LRRC37A2: variants seen among roughly 807,000 people sequenced by gnomAD.
The protein encoded by LRRC37A2 is leucine-rich repeat-containing protein 37A2.
In LRRC37A2, 9 loss-of-function variants were observed where a neutral mutation model predicts 68.8. The ratio of observed to expected loss-of-function variants is 0.13; its 90% CI spans 0.08 to 0.23. The LOEUF (loss-of-function observed/expected upper bound fraction) is 0.23, where lower values mean the gene tolerates loss of function less well. Ranked by LOEUF, LRRC37A2 falls within the 10% of genes least tolerant of loss-of-function variation. The pLI, the probability that LRRC37A2 is intolerant of heterozygous loss-of-function variation, is 1.00. For synonymous variants in LRRC37A2, 63 were observed against 367.6 expected (o/e 0.17, Z 9.48); for missense variants, 168 against 950.4 (o/e 0.18, Z 10.82).
the LRRC37A2 span, among the ~76,000 whole-genome samples, chr17:46,479,530 C>G: frequency 3.8e-5 from 4 of 104,986 alleles, no homozygotes; most frequent in Non-Finnish European, 8.6e-5. Context: ...TTTTTTGAAA[C>G]AGAGTCTTAC....
the LRRC37A2 span, among the ~76,000 whole-genome samples, chr17:46,822,421 G>C: frequency 2.6e-5 from 4 of 152,240 alleles, no homozygotes; most frequent in African/African-American, 9.6e-5. Context: ...GCGCATAGTA[G>C]GTAAGCACCA....
the LRRC37A2 span, chr17:46,932,304 G>C: frequency 7.5e-7 from 1 of 1,341,824 alleles, no homozygotes; most frequent in East Asian, 2.3e-5. Flanking sequence ...GAAGAAGACT[G>C]ATGATGAGGA....
chr17:46,667,490 C>G, the LRRC37A2 span, among the ~76,000 whole-genome samples: 3 of 137,490 alleles, frequency 2.2e-5, 1 homozygote, highest in Non-Finnish European at 4.9e-5. Flanking sequence ...AAATCTTTAC[C>G]TTGCAAAACT....
chr17:46,539,768 C>CAAAACAA (rs2054948081), intron 6 of LRRC37A2, among the ~76,000 whole-genome samples: 1 of 67,038 alleles, frequency 1.5e-5, no homozygotes, highest in Non-Finnish European at 2.7e-5. Context: ...GACTCCATCT[C>CAAAACAA]AAAAAAAAAA....
the LRRC37A2 span, among the ~76,000 whole-genome samples, chr17:46,900,496 C>T: frequency 2.6e-5 from 4 of 152,078 alleles, no homozygotes; most frequent in Non-Finnish European, 4.4e-5. Context: ...GTGATGCACC[C>T]GCCTTGGCCT....
the LRRC37A2 span, among the ~76,000 whole-genome samples, chr17:46,878,434 A>T: frequency 6.6e-6 from 1 of 152,170 alleles, no homozygotes; most frequent in Non-Finnish European, 1.5e-5. Context: ...AGTCTGCTGG[A>T]TGCTGGAAGG....
the LRRC37A2 span, among the ~76,000 whole-genome samples, chr17:46,610,021 CTT>C: frequency 2.5e-5 from 2 of 81,304 alleles, no homozygotes; most frequent in East Asian, 2.3e-4. Flanking sequence ...TTCTTTCTTT[CTT>C]TCTTTCTCTC....
chr17:46,788,656 A>G, the LRRC37A2 span, among the ~76,000 whole-genome samples: 1 of 152,186 alleles, frequency 6.6e-6, no homozygotes, highest in Non-Finnish European at 1.5e-5. Flanking sequence ...GACTCCATTG[A>G]TGGTGAGTTT....
the LRRC37A2 span, among the ~76,000 whole-genome samples, chr17:46,766,356 C>T: frequency 4.6e-5 from 7 of 151,474 alleles, no homozygotes; most frequent in South Asian, 4.2e-4. Flanking sequence ...TACAGTGAGC[C>T]GAGATTGCGC....
At chr17:46,833,625 G>T in the LRRC37A2 span, among the ~76,000 whole-genome samples, 1 of 152,080 alleles carries the variant, frequency 6.6e-6, no homozygotes, top group Admixed American at 6.5e-5. Flanking sequence ...AGTGAGTGAG[G>T]GTGTGTGTGA....
At chr17:46,932,403 G>A in the LRRC37A2 span, 2 of 626,764 alleles carry the variant, frequency 3.2e-6, no homozygotes, top group Non-Finnish European at 5.6e-6. Flanking sequence ...AAAACCTGAA[G>A]AGGAAGCAGT....
chr17:47,040,022 T>C, the LRRC37A2 span, among the ~76,000 whole-genome samples: 1 of 151,990 alleles, frequency 6.6e-6, no homozygotes, highest in East Asian at 1.9e-4. Context: ...CTTTTTATGG[T>C]TTCTATCTCT....
At chr17:46,949,666 C>T in the LRRC37A2 span, among the ~76,000 whole-genome samples, 1 of 152,322 alleles carries the variant, frequency 6.6e-6, no homozygotes, top group South Asian at 2.1e-4. Flanking sequence ...CACACAGGTA[C>T]AAGGTGCTTA....
the LRRC37A2 span, among the ~76,000 whole-genome samples, chr17:46,816,249 T>G: frequency 2.4e-4 from 37 of 151,350 alleles, 1 homozygote; most frequent in African/African-American, 8.0e-4. Context: ...ACTTCTAGAC[T>G]TCTCTCTGTC....
At chr17:47,005,355 C>T in the LRRC37A2 span, among the ~76,000 whole-genome samples, 7 of 152,266 alleles carry the variant, frequency 4.6e-5, no homozygotes, top group Admixed American at 3.3e-4. Flanking sequence ...CTTTGAGGCC[C>T]GAAAGTCTTT....
the LRRC37A2 span, among the ~76,000 whole-genome samples, chr17:46,793,272 TAAAAAAAA>T: frequency 1.4e-4 from 6 of 41,950 alleles, no homozygotes; most frequent in South Asian, 2.0e-3. Context: ...AGACCCTGTC[TAAAAAAAA>T]AAAAAAAAAA....
chr17:46,771,040 AAG>A, the LRRC37A2 span, among the ~76,000 whole-genome samples: 1 of 152,150 alleles, frequency 6.6e-6, no homozygotes, highest in Admixed American at 6.5e-5. Flanking sequence ...ATTTATTTAG[AAG>A]CCAGGCGCCC....
At chr17:46,872,679 T>A in the LRRC37A2 span, 1 of 1,613,542 alleles carries the variant, frequency 6.2e-7, no homozygotes, top group Non-Finnish European at 8.5e-7. Flanking sequence ...CCCTGAGGGA[T>A]GCTGCGCACC....
chr17:46,765,540 C>T, the LRRC37A2 span, among the ~76,000 whole-genome samples: 1 of 152,248 alleles, frequency 6.6e-6, no homozygotes, highest in Non-Finnish European at 1.5e-5. Flanking sequence ...TCTGCGACTC[C>T]CTTCTCTCTC....
Sources: gnomAD v4.1 joint callset for allele counts (sites outside exome capture counted in the v4.1 genomes callset) on GRCh38, gnomAD v4.1.1 for gene constraint, MANE v1.5 for transcripts, NCBI Gene and HGNC (gene_info 2026-07-23, HGNC 2026-07-21) for gene names.